Variants in SLC30A4 observed in about 807,000 individuals in gnomAD.
SLC30A4 encodes the protein solute carrier family 30 member 4.
A neutral mutation model predicts 41.7 loss-of-function variants in SLC30A4; 20 were observed. That is an observed-to-expected ratio of 0.48 (90% CI 0.34 to 0.70). SLC30A4 has a LOEUF of 0.70. Among genes scored for constraint, SLC30A4 ranks in the 30% least tolerant of loss-of-function variants. The pLI, the probability that SLC30A4 is intolerant of heterozygous loss-of-function variation, is 0.01. For synonymous variants in SLC30A4, 181 were observed against 195.9 expected, an observed-to-expected ratio of 0.92 and a Z score of 0.64; for missense variants, 441 against 529.3, an observed-to-expected ratio of 0.83 and a Z score of 1.64.
At chr15:45,507,986 T>C (rs1001681570) in intron 3 of SLC30A4, among the ~76,000 whole-genome samples, 1 of 152,072 alleles carries the variant, frequency 6.6e-6, no homozygotes, top group African/African-American at 2.4e-5. Context: ...CAGAAATGAA[T>C]TGAAATAATA....
intron 3 of SLC30A4, among the ~76,000 whole-genome samples, chr15:45,500,981 CT>C (rs900460819): frequency 2.1e-5 from 3 of 146,154 alleles, no homozygotes; most frequent in African/African-American, 7.4e-5. Context: ...TTTTTATAGT[CT>C]ATTCTGTGAA....
intron 2 of SLC30A4, among the ~76,000 whole-genome samples, chr15:45,517,345 C>CT (rs1166130286): frequency 0.092 from 6,034 of 65,650 alleles, 514 homozygotes; most frequent in East Asian, 0.23. Context: ...CCAATCCATT[C>CT]TTTTTTTTTT....
chr15:45,505,373 T>G (rs1271113396), intron 3 of SLC30A4, among the ~76,000 whole-genome samples: 2 of 151,912 alleles, frequency 1.3e-5, no homozygotes, highest in Non-Finnish European at 1.5e-5. Flanking sequence ...ACAACTAAAA[T>G]GGCAATTACA....
chr15:45,511,382 T>A (rs1388168668), intron 2 of SLC30A4, 98 bp from the exon 3 acceptor site: 4 of 727,140 alleles, frequency 5.5e-6, no homozygotes, highest in Non-Finnish European at 8.6e-6. Flanking sequence ...AACATGAACT[T>A]CTAACTAAAT....
chr15:45,499,815 T>C (rs1891984373), intron 3 of SLC30A4, among the ~76,000 whole-genome samples: 1 of 152,294 alleles, frequency 6.6e-6, no homozygotes, highest in East Asian at 1.9e-4. Flanking sequence ...AAAAAGCTGA[T>C]TGTAGTTTAT....
Position 45,522,345 on chromosome 15 carries a change from A to G in SLC30A4, c.10T>C (p.Ser4Pro). 1 of 1,609,714 alleles carries G rather than the reference A, an allele frequency of 6.2e-7. No individual in the cohort carries two copies. The highest frequency in any genetic ancestry group is 8.5e-7 in the Non-Finnish European group (1 of 1,178,418). MAGSGAWKRLKSML... is the reference protein window; with the variant it reads MAGPGAWKRLKSML... ...GATTTGAGGCGCTTCCACGCGCCAG[A>G]GCCGGCCATGGCAGAGGCTGAGCGG... Residue 4 changes from serine (S) to proline (P), a missense_variant, in exon 2 of 8, where the codon TCT becomes CCT. Physicochemically the swap from Ser to Pro is moderately conservative, Grantham distance 74 (BLOSUM62 -1). This residue lies in a region of SLC30A4 where 312 missense variants were observed against 341.9 expected (regional missense o/e 0.91). Transcript: ENST00000261867.
chr15:45,505,655 T>C (rs898111794), intron 3 of SLC30A4, among the ~76,000 whole-genome samples: 1 of 152,202 alleles, frequency 6.6e-6, no homozygotes, highest in African/African-American at 2.4e-5. Context: ...GAACTCTATA[T>C]AGAATCACTG....
chr15:45,501,674 A>G (rs1295053683), intron 3 of SLC30A4, among the ~76,000 whole-genome samples: 4 of 151,938 alleles, frequency 2.6e-5, no homozygotes, highest in Non-Finnish European at 5.9e-5. Context: ...CTAATTTTTT[A>G]AAAAGTTTTT....
At chr15:45,498,189 GGA>G (rs1336255456) in intron 3 of SLC30A4, among the ~76,000 whole-genome samples, 2 of 152,112 alleles carry the variant, frequency 1.3e-5, no homozygotes, top group Non-Finnish European at 1.5e-5. Context: ...GAATAGGGAA[GGA>G]GAGTGGAGCT....
Position 45,522,459 on chromosome 15 carries a change from C to T in SLC30A4, c.-105G>A. 1 of 1,072,450 alleles carries T rather than the reference C, an allele frequency of 9.3e-7. No individual in the cohort carries two copies. Among genetic ancestry groups the T allele is most frequent in the Non-Finnish European group, 1.3e-6 (1 of 762,848 alleles). 66.4% of individuals were successfully genotyped at this position (1,072,450 alleles called of 1,614,324 possible). On this transcript the variant is annotated 5_prime_UTR_variant, in exon 2 of 8. Coordinates refer to ENST00000261867, the MANE Select transcript of SLC30A4 (RefSeq NM_013309.6). ...GTTCTCGAGGGCAGTGCCGCGCGTC[C>T]CTCCCCATCCTGTGGAAAACGAAAC...
At position 45,508,981 on chromosome 15, in the gene SLC30A4, C is replaced by T. The variant is rs144553267; in HGVS notation, c.538+2157G>A. Reference sequence around the variant, plus strand: ...ATGTTTCTGAGGGAGTGTTTCACTGCTTTCATCAGAATTCCAAAGGGTTTA... The same window carrying T: ...ATGTTTCTGAGGGAGTGTTTCACTGTTTTCATCAGAATTCCAAAGGGTTTA... On this transcript the variant is annotated intron_variant, in intron 3 of 7. Coordinates refer to ENST00000261867, the MANE Select transcript of SLC30A4 (RefSeq NM_013309.6). 3.8e-3 allele frequency among the ~76,000 whole-genome samples: 576 copies of T among 152,226 alleles called. 5 individuals carry two copies. The highest frequency in any genetic ancestry group is 5.0e-3 in the South Asian group (24 of 4,826).
chr15:45,500,973 T>G (rs1316302359), intron 3 of SLC30A4, among the ~76,000 whole-genome samples: 1 of 150,766 alleles, frequency 6.6e-6, no homozygotes, highest in Non-Finnish European at 1.5e-5. Flanking sequence ...CGTGAGTATT[T>G]TTATAGTCTA....
chr15:45,488,420 A>G (rs1891748200), intron 5 of SLC30A4, among the ~76,000 whole-genome samples: 1 of 152,102 alleles, frequency 6.6e-6, no homozygotes, highest in South Asian at 2.1e-4. Flanking sequence ...TAAAAATACA[A>G]AAATTAGCTG....
intron 7 of SLC30A4, among the ~76,000 whole-genome samples, chr15:45,485,672 G>T (rs1362505883): frequency 6.6e-6 from 1 of 151,376 alleles, no homozygotes; most frequent in East Asian, 1.9e-4. Context: ...AAAAATGTAA[G>T]AATCTAGCTT....
At chr15:45,505,104 G>A (rs1003693134) in intron 3 of SLC30A4, among the ~76,000 whole-genome samples, 6 of 152,004 alleles carry the variant, frequency 3.9e-5, no homozygotes, top group Non-Finnish European at 4.4e-5. Context: ...GGTGGCACAC[G>A]TCTATAATCC....
chr15:45,507,004 A>G (rs773986424), intron 3 of SLC30A4, among the ~76,000 whole-genome samples: 23 of 152,108 alleles, frequency 1.5e-4, no homozygotes, highest in Non-Finnish European at 2.4e-4. Context: ...TTATTTTTTA[A>G]GTTCTATTTT....
chr15:45,515,046 A>AT lies in SLC30A4; in HGVS notation c.392-3763dup, dbSNP rs1357385196. On this transcript the variant is annotated intron_variant, in intron 2 of 7. Coordinates refer to ENST00000261867, the MANE Select transcript of SLC30A4 (RefSeq NM_013309.6). Reference sequence around the variant, plus strand: ...AGGCATGTGCCACCACACCTTGCTAATTTTTTTTTTTTTAATTTTTATTAG... The same window carrying AT: ...AGGCATGTGCCACCACACCTTGCTAATTTTTTTTTTTTTTAATTTTTATTAG... 6.3e-4 allele frequency among the ~76,000 whole-genome samples: 90 copies of AT among 143,374 alleles called. 1 individual carries two copies. Among genetic ancestry groups the AT allele is most frequent in the Middle Eastern group, 3.7e-3 (1 of 272 alleles). The allele number at this position is 143,374 out of a possible 152,430, so 94.1% of individuals were successfully genotyped here.
intron 2 of SLC30A4, among the ~76,000 whole-genome samples, chr15:45,516,568 AT>A (rs1172012795): frequency 6.6e-6 from 1 of 152,034 alleles, no homozygotes; most frequent in Non-Finnish European, 1.5e-5. Context: ...TTTTAAAAAA[AT>A]CTCTTTATTG....
At chr15:45,495,503 C>T (rs561998462) in intron 3 of SLC30A4, among the ~76,000 whole-genome samples, 4 of 152,308 alleles carry the variant, frequency 2.6e-5, no homozygotes, top group African/African-American at 7.2e-5. Context: ...GTATGTCCTA[C>T]GCAGTATTTC....
Sources: gnomAD v4.1 joint callset for allele counts (sites outside exome capture counted in the v4.1 genomes callset) on GRCh38, gnomAD v4.1.1 for gene constraint, gnomAD v4.1.1 regional missense constraint, MANE v1.5 for transcripts, NCBI Gene and HGNC (gene_info 2026-07-23, HGNC 2026-07-21) for gene names.